Variants in TBC1D5 observed in about 807,000 individuals in gnomAD.
The protein encoded by TBC1D5 is TBC1 domain family member 5, also known as TBC1 domain family, member 5.
TBC1D5 carries 75 observed loss-of-function variants against 100.3 expected under a neutral mutation model. The observed-to-expected ratio is 0.75, with a 90% CI of 0.62 to 0.91. The LOEUF is 0.91. Ranked by LOEUF, TBC1D5 falls within the 40% of genes least tolerant of loss-of-function variation. TBC1D5 has a pLI of 0.00. For missense variants in TBC1D5, 910 were observed against 942.4 expected (o/e 0.97, Z 0.45); for synonymous variants, 323 against 325.6 (o/e 0.99, Z 0.09).
At chr3:17,702,469 A>C (rs189506563) in intron 1 of TBC1D5, 29 of 152,264 alleles carry the variant, frequency 1.9e-4, no homozygotes, top group African/African-American at 6.5e-4. Context: ...AAAGCTTAGA[A>C]TGTAAAAGAA....
At chr3:17,574,018 T>C (rs755233969) in intron 2 of TBC1D5, among the ~76,000 whole-genome samples, 7 of 152,068 alleles carry the variant, frequency 4.6e-5, no homozygotes, top group Non-Finnish European at 7.4e-5. Flanking sequence ...GAGAGCCCTT[T>C]AGTATCTCAA....
At chr3:17,380,304 C>T (rs2092895879) in intron 9 of TBC1D5, among the ~76,000 whole-genome samples, 1 of 151,950 alleles carries the variant, frequency 6.6e-6, no homozygotes, top group African/African-American at 2.4e-5. Context: ...ACCATTAAAA[C>T]TATTTTACAA....
chr3:17,255,916 G>T lies in TBC1D5; in HGVS notation c.1331+2590C>A, dbSNP rs4685444. Among the ~76,000 whole-genome samples, 304 of 152,198 alleles carry T rather than the reference G, an allele frequency of 2.0e-3. 5 individuals carry two copies. The highest frequency in any genetic ancestry group is 0.014 in the Admixed American group (217 of 15,280). ...CCAGGCGTGGCAGCGTGCGCCTGTAGTCCCAGCTACTTGGGAGGCTGAGGC... is the reference window on the plus strand; with the variant it reads ...CCAGGCGTGGCAGCGTGCGCCTGTATTCCCAGCTACTTGGGAGGCTGAGGC... On this transcript the variant is annotated intron_variant, in intron 16 of 21. Coordinates refer to ENST00000253692, the Ensembl canonical transcript of TBC1D5.
chr3:17,689,195 A>T (rs1484832872), intron 1 of TBC1D5, among the ~76,000 whole-genome samples: 1 of 152,204 alleles, frequency 6.6e-6, no homozygotes, highest in Non-Finnish European at 1.5e-5. Flanking sequence ...AATAGCAAAC[A>T]AACAAAAAAG....
chr3:17,543,780 T>C (rs1189157466), intron 2 of TBC1D5, among the ~76,000 whole-genome samples: 1 of 152,194 alleles, frequency 6.6e-6, no homozygotes, highest in African/African-American at 2.4e-5. Context: ...CAGAATCACC[T>C]GGAGTTCTTA....
intron 2 of TBC1D5, among the ~76,000 whole-genome samples, chr3:17,549,703 G>T (rs994585662): frequency 6.6e-6 from 1 of 152,174 alleles, no homozygotes; most frequent in Admixed American, 6.5e-5. Flanking sequence ...GGCCAAGGCT[G>T]TTGGATCACT....
chr3:17,214,513 T>C, intron 17 of TBC1D5, 143 bp from the exon 19 acceptor site: 1 of 832,940 alleles, frequency 1.2e-6, no homozygotes, highest in Non-Finnish European at 1.8e-6. Flanking sequence ...AGTATTAAAA[T>C]GCATGCATTT....
chr3:17,741,644 GTTAACT>G (rs2077445658), upstream of TBC1D5, among the ~76,000 whole-genome samples: 1 of 152,118 alleles, frequency 6.6e-6, no homozygotes, highest in Non-Finnish European at 1.5e-5. Context: ...CCTACAGGAT[GTTAACT>G]TTAAACACAG....
intron 1 of TBC1D5, among the ~76,000 whole-genome samples, chr3:17,734,168 T>A (rs569973405): frequency 2.0e-5 from 3 of 152,324 alleles, no homozygotes; most frequent in South Asian, 4.1e-4. Flanking sequence ...AATCTAAGTA[T>A]CTAAAGATGG....
chr3:17,245,011 C>T (rs901639703), intron 16 of TBC1D5, among the ~76,000 whole-genome samples: 13 of 144,150 alleles, frequency 9.0e-5, no homozygotes, highest in African/African-American at 3.4e-4. Context: ...TATAGTGAGA[C>T]CCTGTCTCTA....
At chr3:17,213,623 A>G (rs1412037219) in intron 18 of TBC1D5, among the ~76,000 whole-genome samples, 1 of 150,956 alleles carries the variant, frequency 6.6e-6, no homozygotes, top group Non-Finnish European at 1.5e-5. Flanking sequence ...CAAATTAGCC[A>G]GGCATGGTGG....
intron 2 of TBC1D5, among the ~76,000 whole-genome samples, chr3:17,614,441 G>T (rs532316563): frequency 6.6e-6 from 1 of 152,336 alleles, no homozygotes; most frequent in African/African-American, 2.4e-5. Flanking sequence ...TTGGTAGCTT[G>T]ATGGCGATGG....
At chr3:17,542,736 A>G (rs547579935) in intron 2 of TBC1D5, among the ~76,000 whole-genome samples, 1 of 151,966 alleles carries the variant, frequency 6.6e-6, no homozygotes, top group African/African-American at 2.4e-5. Flanking sequence ...TTTTCCCTTC[A>G]TTCTGTTATT....
Position 17,510,393 on chromosome 3 carries a change from T to C in TBC1D5, c.-35-1788A>G, listed in dbSNP as rs1249486324. Among the ~76,000 whole-genome samples, 4 of 152,176 alleles carry C rather than the reference T, an allele frequency of 2.6e-5. No homozygotes were observed. The East Asian group carries it at 7.7e-4, about 29-fold the overall frequency. Reference sequence around the variant, plus strand: ...AATAAAACCTATCCCCCTGGAATTGTGGCTAAAACAATATAAGCAGAGGAT... The same window carrying C: ...AATAAAACCTATCCCCCTGGAATTGCGGCTAAAACAATATAAGCAGAGGAT... On this transcript the variant is annotated intron_variant, in intron 2 of 21. Coordinates refer to ENST00000253692, the Ensembl canonical transcript of TBC1D5.
intron 1 of TBC1D5, among the ~76,000 whole-genome samples, chr3:17,734,214 C>G (rs189090621): frequency 1.9e-4 from 29 of 152,192 alleles, no homozygotes; most frequent in Non-Finnish European, 2.1e-4. Context: ...AATGTATTTT[C>G]TAATACACTA....
At chr3:17,186,710 C>CAAAAAAAAAAAAAA (rs58438478) in intron 18 of TBC1D5, among the ~76,000 whole-genome samples, 6 of 27,280 alleles carry the variant, frequency 2.2e-4, no homozygotes, top group Non-Finnish European at 2.7e-4. Context: ...ACTCTATCTC[C>CAAAAAAAAAAAAAA]AAAAAAAAAA....
chr3:17,414,072 T>C (rs1242166790), intron 4 of TBC1D5, among the ~76,000 whole-genome samples: 1 of 152,154 alleles, frequency 6.6e-6, no homozygotes, highest in African/African-American at 2.4e-5. Context: ...GATAGGGAAG[T>C]GCAGCAGACA....
intron 13 of TBC1D5, chr3:17,337,301 G>C (rs1348648480): frequency 6.6e-6 from 1 of 151,972 alleles, no homozygotes; most frequent in African/African-American, 2.4e-5. Context: ...ACACCAATTA[G>C]TTTAAGGCAA....
intron 1 of TBC1D5, among the ~76,000 whole-genome samples, chr3:17,643,320 T>G (rs1416498468): frequency 1.3e-5 from 2 of 152,112 alleles, no homozygotes; most frequent in South Asian, 2.1e-4. Flanking sequence ...TAATATATCT[T>G]ATTACTGTTG....
Sources: gnomAD v4.1 joint callset for allele counts (sites outside exome capture counted in the v4.1 genomes callset) on GRCh38, gnomAD v4.1.1 for gene constraint, MANE v1.5 for transcripts, NCBI Gene and HGNC (gene_info 2026-07-23, HGNC 2026-07-21) for gene names.